The following POFUT3 variants were observed in gnomAD, a reference collection of about 807,000 sequenced individuals.
POFUT3 encodes GDP-fucose protein O-fucosyltransferase 3.
At chr8:33,369,654 G>A in the POFUT3 span, among the ~76,000 whole-genome samples, 1 of 152,104 alleles carries the variant, frequency 6.6e-6, no homozygotes, top group Non-Finnish European at 1.5e-5. Flanking sequence ...TACTGGGCAG[G>A]TCGGCACTGT....
the POFUT3 span, among the ~76,000 whole-genome samples, chr8:33,308,484 A>G: frequency 2.0e-5 from 3 of 152,176 alleles, no homozygotes; most frequent in African/African-American, 7.2e-5. Context: ...GATGATCTGC[A>G]AGGCTCCATG....
chr8:33,469,457 A>G, the POFUT3 span, among the ~76,000 whole-genome samples: 2 of 152,232 alleles, frequency 1.3e-5, no homozygotes, highest in African/African-American at 4.8e-5. Flanking sequence ...CATCCTCTTC[A>G]TACTAGTGCA....
At chr8:33,409,218 T>C in the POFUT3 span, among the ~76,000 whole-genome samples, 110 of 152,298 alleles carry the variant, frequency 7.2e-4, no homozygotes, top group African/African-American at 2.6e-3. Context: ...TTCTCCTGCC[T>C]CAGCCTCCCA....
the POFUT3 span, among the ~76,000 whole-genome samples, chr8:33,457,527 T>G: frequency 6.6e-6 from 1 of 150,794 alleles, no homozygotes; most frequent in East Asian, 1.9e-4. Flanking sequence ...TGAAAATTCT[T>G]TTTTTTTTGA....
At chr8:33,340,032 A>G in the POFUT3 span, among the ~76,000 whole-genome samples, 2 of 152,316 alleles carry the variant, frequency 1.3e-5, no homozygotes, top group African/African-American at 4.8e-5. Context: ...CACATATTAC[A>G]ACACTGATAA....
At chr8:33,410,963 C>T in the POFUT3 span, among the ~76,000 whole-genome samples, 1 of 152,114 alleles carries the variant, frequency 6.6e-6, no homozygotes, top group Non-Finnish European at 1.5e-5. Flanking sequence ...GCCACTCACT[C>T]GGGTTTCCTA....
chr8:33,407,623 C>CA, the POFUT3 span, among the ~76,000 whole-genome samples: 356 of 152,232 alleles, frequency 2.3e-3, no homozygotes, highest in Non-Finnish European at 4.4e-3. Flanking sequence ...GTAAGTAATG[C>CA]AAGCCTTCAG....
At chr8:33,439,213 T>C in the POFUT3 span, among the ~76,000 whole-genome samples, 1 of 152,088 alleles carries the variant, frequency 6.6e-6, no homozygotes, top group Non-Finnish European at 1.5e-5. Context: ...AAGACCAGCC[T>C]GGCCAACATG....
At chr8:33,389,175 C>A in the POFUT3 span, 2 of 1,614,148 alleles carry the variant, frequency 1.2e-6, no homozygotes, top group Non-Finnish European at 1.7e-6. Flanking sequence ...ATGTAACTTG[C>A]CAGTTCCCTG....
At chr8:33,431,759 T>TA in the POFUT3 span, among the ~76,000 whole-genome samples, 52 of 152,102 alleles carry the variant, frequency 3.4e-4, no homozygotes, top group Non-Finnish European at 5.7e-4. Flanking sequence ...GATTTTTTTT[T>TA]ACCAATCAAG....
chr8:33,411,455 T>C, the POFUT3 span, among the ~76,000 whole-genome samples: 6 of 152,204 alleles, frequency 3.9e-5, no homozygotes, highest in African/African-American at 1.4e-4. Context: ...CCTAAGAAAA[T>C]AGATTCTGAA....
the POFUT3 span, chr8:33,453,503 A>G: frequency 1.9e-6 from 3 of 1,603,878 alleles, no homozygotes; most frequent in Non-Finnish European, 2.6e-6. Flanking sequence ...CCCCAGCTCA[A>G]CCATGACCTA....
the POFUT3 span, among the ~76,000 whole-genome samples, chr8:33,401,588 TA>T: frequency 6.6e-6 from 1 of 152,238 alleles, no homozygotes; most frequent in Non-Finnish European, 1.5e-5. Flanking sequence ...ATTATCCATG[TA>T]ACTACCATGG....
At chr8:33,324,061 G>A in the POFUT3 span, among the ~76,000 whole-genome samples, 52 of 152,288 alleles carry the variant, frequency 3.4e-4, no homozygotes, top group East Asian at 8.9e-3. Flanking sequence ...AGTGGAGGCT[G>A]ATGGAAGCTT....
the POFUT3 span, among the ~76,000 whole-genome samples, chr8:33,449,861 C>T: frequency 6.6e-6 from 1 of 151,764 alleles, no homozygotes; most frequent in Non-Finnish European, 1.5e-5. Flanking sequence ...CAACGTTATC[C>T]AACCCCAATA....
chr8:33,339,700 A>G, the POFUT3 span, among the ~76,000 whole-genome samples: 1 of 152,202 alleles, frequency 6.6e-6, no homozygotes, highest in Non-Finnish European at 1.5e-5. Context: ...TTACCTATTG[A>G]GGAAAAACAG....
chr8:33,455,853 G>T, the POFUT3 span: 1 of 455,532 alleles, frequency 2.2e-6, no homozygotes, highest in Non-Finnish European at 4.4e-6. Context: ...ACTCCCTGGG[G>T]AGGGCCCGTG....
At chr8:33,316,732 A>C in the POFUT3 span, among the ~76,000 whole-genome samples, 1 of 126,614 alleles carries the variant, frequency 7.9e-6, no homozygotes, top group Non-Finnish European at 1.6e-5. Flanking sequence ...ACAGAGTGAG[A>C]CTCTGTCTCA....
chr8:33,453,447 G>A, the POFUT3 span: 1 of 1,613,792 alleles, frequency 6.2e-7, no homozygotes, highest in South Asian at 1.1e-5. Context: ...ATTTTTGTAT[G>A]TCCATCTTGC....
Sources: allele counts gnomAD v4.1 joint callset (sites outside exome capture counted in the v4.1 genomes callset), GRCh38; gene constraint gnomAD v4.1.1; transcripts MANE v1.5; gene names NCBI Gene and HGNC (gene_info 2026-07-23, HGNC 2026-07-21).